Variants in ARK2N observed in about 807,000 individuals in gnomAD.
The protein encoded by ARK2N is protein ARK2N.
At chr18:46,180,477 C>T in the ARK2N span, among the ~76,000 whole-genome samples, 239 of 152,298 alleles carry the variant, frequency 1.6e-3, 2 homozygotes, top group Non-Finnish European at 3.0e-3. Flanking sequence ...GAGGCCGAGG[C>T]GGGCGGATCA....
At chr18:46,195,104 A>T in the ARK2N span, among the ~76,000 whole-genome samples, 1 of 151,606 alleles carries the variant, frequency 6.6e-6, no homozygotes, top group Non-Finnish European at 1.5e-5. Context: ...GCCTGGCCTC[A>T]AATATATTTT....
chr18:46,229,957 C>T, the ARK2N span, among the ~76,000 whole-genome samples: 182 of 151,822 alleles, frequency 1.2e-3, no homozygotes, highest in African/African-American at 4.2e-3. Flanking sequence ...GACAGAGTCT[C>T]GCTTTGTCGC....
the ARK2N span, among the ~76,000 whole-genome samples, chr18:46,249,073 C>T: frequency 6.6e-6 from 1 of 152,162 alleles, no homozygotes; most frequent in Admixed American, 6.5e-5. Context: ...AGTCTGATCC[C>T]TGGATGCACA....
chr18:46,186,654 G>A, the ARK2N span, among the ~76,000 whole-genome samples: 32 of 151,562 alleles, frequency 2.1e-4, 1 homozygote, highest in South Asian at 4.2e-3. Flanking sequence ...ACAGGCGCCC[G>A]CCACCACGCC....
the ARK2N span, chr18:46,173,555 A>G: frequency 1.3e-5 from 2 of 152,278 alleles, no homozygotes; most frequent in African/African-American, 4.8e-5. Context: ...ACTTGAGCAG[A>G]TATTGGTGCC....
the ARK2N span, among the ~76,000 whole-genome samples, chr18:46,262,494 C>T: frequency 3.3e-5 from 5 of 152,136 alleles, no homozygotes; most frequent in Admixed American, 6.5e-5. Flanking sequence ...GCATTATTAC[C>T]AATTATAAAG....
the ARK2N span, among the ~76,000 whole-genome samples, chr18:46,235,328 A>C: frequency 6.6e-6 from 1 of 152,244 alleles, no homozygotes; most frequent in African/African-American, 2.4e-5. Flanking sequence ...GGGTTCATCT[A>C]TGACCAACAT....
chr18:46,217,552 A>G, the ARK2N span: 12 of 152,186 alleles, frequency 7.9e-5, no homozygotes, highest in Admixed American at 1.3e-4. Context: ...GTTTTCTGAA[A>G]GCTTTCTGTT....
the ARK2N span, among the ~76,000 whole-genome samples, chr18:46,209,143 A>G: frequency 6.6e-6 from 1 of 152,176 alleles, no homozygotes; most frequent in Admixed American, 6.5e-5. Flanking sequence ...AGCAGGGGAA[A>G]GCAATCACAT....
At chr18:46,264,340 A>G in the ARK2N span, 1 of 152,642 alleles carries the variant, frequency 6.6e-6, no homozygotes, top group Non-Finnish European at 1.5e-5. Context: ...TTACTAGTGA[A>G]TTCTTTTAAA....
chr18:46,209,390 C>G, the ARK2N span, among the ~76,000 whole-genome samples: 1 of 150,442 alleles, frequency 6.6e-6, no homozygotes, highest in Non-Finnish European at 1.5e-5. Flanking sequence ...ACTTCCTCAA[C>G]TTTTCTCTTC....
the ARK2N span, among the ~76,000 whole-genome samples, chr18:46,222,890 T>C: frequency 3.9e-5 from 6 of 152,204 alleles, no homozygotes; most frequent in Non-Finnish European, 8.8e-5. Context: ...ACCCAAAGTC[T>C]GTAGTTTACT....
the ARK2N span, among the ~76,000 whole-genome samples, chr18:46,198,702 G>C: frequency 6.6e-6 from 1 of 152,018 alleles, no homozygotes; most frequent in Non-Finnish European, 1.5e-5. Context: ...GGGTTCAAGT[G>C]ATTCTCCTGC....
chr18:46,203,367 C>T, the ARK2N span, among the ~76,000 whole-genome samples: 1 of 152,022 alleles, frequency 6.6e-6, no homozygotes, highest in Non-Finnish European at 1.5e-5. Context: ...CATTGTTGAA[C>T]TAAAGAAACT....
the ARK2N span, among the ~76,000 whole-genome samples, chr18:46,247,359 C>T: frequency 7.4e-4 from 113 of 152,158 alleles, no homozygotes; most frequent in African/African-American, 2.3e-3. Context: ...AGATATTTCA[C>T]AAAACATTCC....
At chr18:46,240,109 A>G in the ARK2N span, 2 of 1,614,240 alleles carry the variant, frequency 1.2e-6, no homozygotes, top group South Asian at 1.1e-5. Flanking sequence ...TCAAGAGCAC[A>G]GTAATTCTGT....
chr18:46,253,048 A>G, the ARK2N span, among the ~76,000 whole-genome samples: 1 of 152,198 alleles, frequency 6.6e-6, no homozygotes, highest in Non-Finnish European at 1.5e-5. Flanking sequence ...TACAAGTTAC[A>G]TTTCAGTTGC....
chr18:46,184,184 G>A, the ARK2N span, among the ~76,000 whole-genome samples: 1 of 152,176 alleles, frequency 6.6e-6, no homozygotes, highest in Admixed American at 6.5e-5. Flanking sequence ...TAGAGACGGG[G>A]TTTCACTAGG....
chr18:46,226,038 G>C, the ARK2N span, among the ~76,000 whole-genome samples: 1 of 148,476 alleles, frequency 6.7e-6, no homozygotes, highest in Non-Finnish European at 1.5e-5. Flanking sequence ...AGACACTGTT[G>C]ACTTCTGCTT....
Sources: allele counts gnomAD v4.1 joint callset (sites outside exome capture counted in the v4.1 genomes callset), GRCh38; gene constraint gnomAD v4.1.1; transcripts MANE v1.5; gene names NCBI Gene and HGNC (gene_info 2026-07-23, HGNC 2026-07-21).